The following NRG1 variants were observed in gnomAD, a reference collection of about 807,000 sequenced individuals.
The protein encoded by NRG1 is pro-neuregulin-1, membrane-bound isoform.
Under a neutral mutation model 63.8 loss-of-function variants are expected in NRG1, and 18 were observed. The ratio of observed to expected loss-of-function variants is 0.28; its 90% CI spans 0.19 to 0.42. The LOEUF (loss-of-function observed/expected upper bound fraction) is 0.42. Among genes scored for constraint, NRG1 ranks in the 10% least tolerant of loss-of-function variants. NRG1 has a pLI of 1.00. For missense variants in NRG1, 762 were observed against 814.7 expected (o/e 0.94, Z 0.79); for synonymous variants, 302 against 301.3 (o/e 1.00, Z -0.02).
At chr8:32,195,982 C>T (rs1466487) in intron 1 of NRG1, among the ~76,000 whole-genome samples, 71,894 of 151,904 alleles carry the variant, frequency 0.47, 18,665 homozygotes, top group Admixed American at 0.59. Flanking sequence ...GTGATTTTTG[C>T]CATTACTTTT....
At chr8:32,422,541 C>T (rs1252111591) in intron 1 of NRG1, among the ~76,000 whole-genome samples, 2 of 152,110 alleles carry the variant, frequency 1.3e-5, no homozygotes, top group African/African-American at 4.8e-5. Flanking sequence ...AGCTTTTGAC[C>T]AATTTTCCTT....
At chr8:31,719,125 C>G (rs1320316268) in intron 1 of NRG1, among the ~76,000 whole-genome samples, 1 of 152,092 alleles carries the variant, frequency 6.6e-6, no homozygotes, top group Non-Finnish European at 1.5e-5. Flanking sequence ...TGGTAGGTGG[C>G]CATTTCTTTT....
chr8:31,710,137 GA>G (rs775780500), intron 1 of NRG1, among the ~76,000 whole-genome samples: 3 of 151,736 alleles, frequency 2.0e-5, no homozygotes, highest in Non-Finnish European at 4.4e-5. Flanking sequence ...AGATATATCA[GA>G]TTGCATAACT....
intron 1 of NRG1, among the ~76,000 whole-genome samples, chr8:32,432,860 G>A (rs914608886): frequency 3.9e-5 from 6 of 152,114 alleles, no homozygotes; most frequent in Admixed American, 2.6e-4. Context: ...CTATTTTTCA[G>A]CAAGTCGCAT....
intron 1 of NRG1, among the ~76,000 whole-genome samples, chr8:31,920,598 A>T (rs571041727): frequency 1.3e-5 from 2 of 152,228 alleles, no homozygotes; most frequent in Admixed American, 1.3e-4. Context: ...GCCTTATGTT[A>T]TCATGGCTAT....
intron 7 of NRG1, among the ~76,000 whole-genome samples, chr8:32,752,061 G>C (rs2129050395): frequency 6.6e-6 from 1 of 152,254 alleles, no homozygotes; most frequent in Admixed American, 6.5e-5. Context: ...CTTCAAAGAA[G>C]AAAACAATAG....
chr8:32,661,874 A>G (rs919762464), intron 5 of NRG1, among the ~76,000 whole-genome samples: 2 of 152,172 alleles, frequency 1.3e-5, no homozygotes, highest in Non-Finnish European at 2.9e-5. Flanking sequence ...GAGCATAGTT[A>G]TTTTAAATAG....
intron 1 of NRG1, among the ~76,000 whole-genome samples, chr8:32,469,644 G>A (rs1322462488): frequency 6.6e-6 from 1 of 152,154 alleles, no homozygotes; most frequent in East Asian, 1.9e-4. Flanking sequence ...CAGATCCACA[G>A]TAAATATCAG....
chr8:32,367,296 C>T (rs1453170364), intron 1 of NRG1, among the ~76,000 whole-genome samples: 2 of 152,156 alleles, frequency 1.3e-5, no homozygotes, highest in African/African-American at 4.8e-5. Flanking sequence ...CACATCCTCA[C>T]TGACATTTAT....
intron 1 of NRG1, among the ~76,000 whole-genome samples, chr8:32,247,704 G>C (rs1848718987): frequency 6.6e-6 from 1 of 152,082 alleles, no homozygotes; most frequent in Non-Finnish European, 1.5e-5. Flanking sequence ...AGTAAGCACA[G>C]GCAGTAACAT....
chr8:32,079,743 C>G (rs1037263522), intron 1 of NRG1, among the ~76,000 whole-genome samples: 1 of 151,984 alleles, frequency 6.6e-6, no homozygotes, highest in African/African-American at 2.4e-5. Context: ...AAAGTGAATG[C>G]AGTAAAATTA....
At chr8:32,185,151 C>G (rs774729932) in intron 1 of NRG1, among the ~76,000 whole-genome samples, 2 of 152,182 alleles carry the variant, frequency 1.3e-5, no homozygotes, top group Non-Finnish European at 2.9e-5. Context: ...TGTGTGCATG[C>G]GTACACACAC....
chr8:32,500,020 T>C (rs954233782), intron 1 of NRG1, among the ~76,000 whole-genome samples: 3 of 152,230 alleles, frequency 2.0e-5, no homozygotes, highest in Admixed American at 6.5e-5. Context: ...GGGTGGGTTA[T>C]AGTTTTCCAT....
chr8:31,877,024 A>G (rs1829979863), intron 1 of NRG1, among the ~76,000 whole-genome samples: 1 of 152,182 alleles, frequency 6.6e-6, no homozygotes, highest in South Asian at 2.1e-4. Flanking sequence ...GCTGATTACC[A>G]TTCAAGACAC....
At chr8:32,280,094 A>C (rs4733117) in intron 1 of NRG1, among the ~76,000 whole-genome samples, 33,760 of 152,226 alleles carry the variant, frequency 0.22, 4,375 homozygotes, top group African/African-American at 0.35. Flanking sequence ...AAATGCTGAT[A>C]AATTCCTGTA....
chr8:32,250,098 A>G (rs1848948039), intron 1 of NRG1, among the ~76,000 whole-genome samples: 2 of 152,102 alleles, frequency 1.3e-5, no homozygotes, highest in Non-Finnish European at 2.9e-5. Flanking sequence ...CACAGGGCTC[A>G]GGTAAGATTG....
chr8:31,825,990 C>G (rs1319001821), intron 1 of NRG1, among the ~76,000 whole-genome samples: 1 of 152,154 alleles, frequency 6.6e-6, no homozygotes, highest in Non-Finnish European at 1.5e-5. Flanking sequence ...CCACCTAAAC[C>G]CTACTTTTGG....
chr8:32,106,816 C>G (rs1304878202), intron 1 of NRG1, among the ~76,000 whole-genome samples: 3 of 152,142 alleles, frequency 2.0e-5, no homozygotes, highest in African/African-American at 7.2e-5. Flanking sequence ...ATTAAGAATA[C>G]TTTACTCAGT....
At chr8:32,320,587 C>T (rs754231444) in intron 1 of NRG1, among the ~76,000 whole-genome samples, 13 of 152,118 alleles carry the variant, frequency 8.5e-5, no homozygotes, top group Non-Finnish European at 1.6e-4. Context: ...CACTTTTAAA[C>T]AACCAGATCT....
Sources: allele counts gnomAD v4.1 joint callset (sites outside exome capture counted in the v4.1 genomes callset), GRCh38; gene constraint gnomAD v4.1.1; transcripts MANE v1.5; gene names NCBI Gene and HGNC (gene_info 2026-07-23, HGNC 2026-07-21).